PPARGC1B: variants seen among roughly 807,000 people sequenced by gnomAD.
PPARGC1B encodes the protein PPARG coactivator 1 beta.
A neutral mutation model predicts 101.6 loss-of-function variants in PPARGC1B; 34 were observed. The observed-to-expected ratio is 0.33, with a 90% CI of 0.25 to 0.45. PPARGC1B has a LOEUF of 0.45. PPARGC1B is among the 20% of genes least tolerant of loss of function. PPARGC1B has a pLI of 1.00. For missense variants in PPARGC1B, 1,234 were observed against 1,317.6 expected, an observed-to-expected ratio of 0.94 and a Z score of 0.98; for synonymous variants, 548 against 539.3, an observed-to-expected ratio of 1.02 and a Z score of -0.22.
intron 1 of PPARGC1B, among the ~76,000 whole-genome samples, chr5:149,743,347 G>T (rs549481931): frequency 6.6e-6 from 1 of 151,948 alleles, no homozygotes; most frequent in Non-Finnish European, 1.5e-5. Context: ...GTGGAGATGG[G>T]ATTTCTCCAT....
chr5:149,853,793 G>A lies in PPARGC1B; in HGVS notation c.*6235G>A, dbSNP rs1385954330. ...AAACAGGTGGGAAATCTCAAGGGGA[G>A]CGTGGACAAGGTGGTATGTGCAGCA... is the stretch of plus-strand genomic sequence containing the variant. On this transcript the variant is annotated 3_prime_UTR_variant, in exon 12 of 12. Transcript: ENST00000309241. This position sits in a 1 kb window ranked among gnomAD's most constrained non-coding sequence, Gnocchi z 4.2. The A allele has an allele frequency of 6.6e-6, 1 of 152,216 alleles. No individual in the cohort carries two copies. Among genetic ancestry groups the A allele is most frequent in the African/African-American group, 2.4e-5 (1 of 41,448 alleles). 9.4% of individuals were successfully genotyped at this position (152,216 alleles called of 1,614,324 possible). A position where few individuals can be genotyped will look rare whatever the true frequency, so the allele number is the denominator to read the frequency against.
chr5:149,841,755 C>T (rs1759346969), intron 9 of PPARGC1B, among the ~76,000 whole-genome samples: 1 of 152,172 alleles, frequency 6.6e-6, no homozygotes, highest in Admixed American at 6.5e-5. Flanking sequence ...ATGGAACTCT[C>T]CTGAAGGTGA....
chr5:149,771,207 G>A (rs1756121072), intron 1 of PPARGC1B, among the ~76,000 whole-genome samples: 1 of 152,172 alleles, frequency 6.6e-6, no homozygotes, highest in Non-Finnish European at 1.5e-5. Flanking sequence ...CATTTTCCCT[G>A]CAGGCAGCCA....
At chr5:149,836,063 T>G (rs142726663) in intron 7 of PPARGC1B, among the ~76,000 whole-genome samples, 200 bp from the exon 8 acceptor site, 2 of 151,612 alleles carry the variant, frequency 1.3e-5, no homozygotes, top group Non-Finnish European at 2.9e-5. Context: ...AATTTTTTTG[T>G]ATTTTAGTAG....
intron 1 of PPARGC1B, among the ~76,000 whole-genome samples, chr5:149,795,241 C>T (rs1757165462): frequency 6.6e-6 from 1 of 152,204 alleles, no homozygotes; most frequent in Non-Finnish European, 1.5e-5. Context: ...GAGTTCCAAT[C>T]TCTGGACAAC....
chr5:149,750,017 G>C (rs572324876), intron 1 of PPARGC1B, among the ~76,000 whole-genome samples: 1 of 152,268 alleles, frequency 6.6e-6, no homozygotes, highest in East Asian at 1.9e-4. Flanking sequence ...GCACCCAGTG[G>C]GTAATGTCAG....
chr5:149,842,676 CAGG>C (rs1759398754), intron 10 of PPARGC1B, among the ~76,000 whole-genome samples: 1 of 152,242 alleles, frequency 6.6e-6, no homozygotes, highest in Non-Finnish European at 1.5e-5. Flanking sequence ...CTCCTTTCTG[CAGG>C]AGTTCAGACA....
At chr5:149,839,924 G>A in intron 8 of PPARGC1B, 117 bp from the exon 9 acceptor site, 3 of 1,024,110 alleles carry the variant, frequency 2.9e-6, no homozygotes, top group South Asian at 1.3e-5. Context: ...AGTTCCAGCT[G>A]TGTGCCCTCG....
chr5:149,778,063 TCACACACA>T (rs1219646323), intron 1 of PPARGC1B, among the ~76,000 whole-genome samples: 3 of 11,870 alleles, frequency 2.5e-4, no homozygotes, highest in African/African-American at 1.3e-3. Flanking sequence ...TAGCAGCATC[TCACACACA>T]CACACACACA....
At chr5:149,752,233 A>G (rs946274383) in intron 1 of PPARGC1B, among the ~76,000 whole-genome samples, 4 of 152,250 alleles carry the variant, frequency 2.6e-5, no homozygotes, top group African/African-American at 9.6e-5. Flanking sequence ...TGTACAGAAC[A>G]AGATAAATAC....
intron 1 of PPARGC1B, among the ~76,000 whole-genome samples, chr5:149,778,270 G>T (rs567860044): frequency 6.6e-6 from 1 of 152,022 alleles, no homozygotes; most frequent in Non-Finnish European, 1.5e-5. Flanking sequence ...CCCAAGAGTG[G>T]TGAGGAGGCC....
chr5:149,794,055 G>A (rs1008734336), intron 1 of PPARGC1B, among the ~76,000 whole-genome samples: 6 of 152,208 alleles, frequency 3.9e-5, no homozygotes, highest in African/African-American at 1.2e-4. Context: ...GAGTTGAGAA[G>A]TCATAGCAGA....
Position 149,848,509 on chromosome 5 carries a change from G to T in PPARGC1B, c.*951G>T, listed in dbSNP as rs957961183. 6.6e-6 allele frequency: 1 copy of T among 152,234 alleles called. No homozygotes were observed. The highest frequency in any genetic ancestry group is 2.4e-5 in the African/African-American group (1 of 41,452). 9.4% of individuals were successfully genotyped at this position (152,234 alleles called of 1,614,324 possible). ...GCTGGGGTAAAGACACCGTTTCAGG[G>T]ACTGGTAGAGGTGAGTTCGGCTAAA... On this transcript the variant is annotated 3_prime_UTR_variant, in exon 12 of 12. Transcript: ENST00000309241.
At chr5:149,799,714 T>TTTTTTTTTTTTA (rs1757369566) in intron 1 of PPARGC1B, among the ~76,000 whole-genome samples, 1 of 144,222 alleles carries the variant, frequency 6.9e-6, no homozygotes, top group Non-Finnish European at 1.5e-5. Context: ...TTTTTTTTTT[T>TTTTTTTTTTTTA]GAGACGAAGT....
At chr5:149,773,675 C>T (rs928883855) in intron 1 of PPARGC1B, among the ~76,000 whole-genome samples, 7 of 152,148 alleles carry the variant, frequency 4.6e-5, no homozygotes, top group East Asian at 1.9e-4. Context: ...CTAACAGACA[C>T]GGTGATGGGA....
intron 1 of PPARGC1B, among the ~76,000 whole-genome samples, chr5:149,787,522 C>T (rs1756857992): frequency 6.6e-6 from 1 of 152,242 alleles, no homozygotes; most frequent in African/African-American, 2.4e-5. Context: ...TGTCTATTGT[C>T]ACACAGAGGT....
At chr5:149,751,792 A>G (rs766534897) in intron 1 of PPARGC1B, among the ~76,000 whole-genome samples, 171 of 152,060 alleles carry the variant, frequency 1.1e-3, no homozygotes, top group Non-Finnish European at 1.7e-3. Flanking sequence ...TAAAGGTAAC[A>G]TTGTAGGTTT....
rs150656334 is a variant in PPARGC1B, at chr5:149,827,711, C to T, written c.465+826C>T. 4.4e-3 allele frequency among the ~76,000 whole-genome samples: 677 copies of T among 152,304 alleles called. 4 individuals are homozygous for T. The highest frequency in any genetic ancestry group is 0.015 in the African/African-American group (642 of 41,570). On this transcript the variant is annotated intron_variant, in intron 3 of 11. Coordinates refer to ENST00000309241, the MANE Select transcript of PPARGC1B (RefSeq NM_133263.4). ...CACTTCCACCAGCAGAAGTTAAATG[C>T]GGTGTGAGCGTGTGCGGAATGTGGA...
chr5:149,765,454 G>A (rs1364124328), intron 1 of PPARGC1B, among the ~76,000 whole-genome samples: 1 of 152,150 alleles, frequency 6.6e-6, no homozygotes, highest in Non-Finnish European at 1.5e-5. Context: ...ACTCCTAGTC[G>A]AGAAAATGGG....
Sources: allele counts gnomAD v4.1 joint callset (sites outside exome capture counted in the v4.1 genomes callset), GRCh38; gene constraint gnomAD v4.1.1; non-coding constraint Gnocchi (gnomAD v3.1); transcripts MANE v1.5; gene names NCBI Gene and HGNC (gene_info 2026-07-23, HGNC 2026-07-21).